The following ITGAM variants were observed in gnomAD, a reference collection of about 807,000 sequenced individuals.
ITGAM encodes the protein integrin subunit alpha M.
In ITGAM, 79 loss-of-function variants were observed where a neutral mutation model predicts 137.5. That is an observed-to-expected ratio of 0.57 (90% CI 0.48 to 0.69). ITGAM has a LOEUF of 0.69. Among genes scored for constraint, ITGAM ranks in the 30% least tolerant of loss-of-function variants. The probability of loss-of-function intolerance (pLI) is 0.00; values close to 1 mark genes in which losing one functional copy is unlikely to be tolerated. For missense variants in ITGAM, 1,343 were observed against 1,483.5 expected (o/e 0.91, Z 1.56); for synonymous variants, 583 against 592.3 (o/e 0.98, Z 0.23).
chr16:31,311,430 A>T (rs1332693992), intron 14 of ITGAM, among the ~76,000 whole-genome samples: 3 of 152,310 alleles, frequency 2.0e-5, no homozygotes, highest in East Asian at 3.9e-4. Flanking sequence ...ACTCAAACAA[A>T]TTTACAAGAA....
In ITGAM at chr16:31,310,993, A is replaced by G. The variant is rs191833126; in HGVS notation, c.1708-10248A>G. ...GAAATAGTGCCGCATATCTACAACT[A>G]TCTGATCTTTGACAAACCTGACAAA... On this transcript the variant is annotated intron_variant, in intron 14 of 29. Coordinates refer to ENST00000544665, the MANE Select transcript of ITGAM (RefSeq NM_000632.4). Among the ~76,000 whole-genome samples the G allele has an allele frequency of 2.3e-3, 355 of 152,300 alleles. 4 individuals carry two copies. The highest frequency in any genetic ancestry group is 8.1e-3 in the African/African-American group (337 of 41,566).
At chr16:31,260,545 A>T (rs921464801) in intron 1 of ITGAM, among the ~76,000 whole-genome samples, 1 of 152,244 alleles carries the variant, frequency 6.6e-6, no homozygotes, top group Non-Finnish European at 1.5e-5. Flanking sequence ...TTTTATGCTT[A>T]TATGTTGTGG....
At chr16:31,286,358 G>T (rs1285421802) in intron 12 of ITGAM, among the ~76,000 whole-genome samples, 1 of 152,048 alleles carries the variant, frequency 6.6e-6, no homozygotes, top group Non-Finnish European at 1.5e-5. Flanking sequence ...TTGGATATAT[G>T]GCCAGTAATG....
At chr16:31,271,605 G>A (rs1266566768) in intron 6 of ITGAM, among the ~76,000 whole-genome samples, 12 of 152,142 alleles carry the variant, frequency 7.9e-5, no homozygotes, top group African/African-American at 2.7e-4. Flanking sequence ...CACCCGCCTC[G>A]GCTTCCCAAA....
At chr16:31,260,255 C>A (rs940628563) in intron 1 of ITGAM, among the ~76,000 whole-genome samples, 163 bp downstream of exon 1, 9 of 152,072 alleles carry the variant, frequency 5.9e-5, no homozygotes, top group African/African-American at 2.2e-4. Flanking sequence ...ACAGCTAGAC[C>A]CAGACAGGCT....
intron 14 of ITGAM, among the ~76,000 whole-genome samples, chr16:31,311,286 G>T (rs1220968487): frequency 6.6e-6 from 1 of 152,190 alleles, no homozygotes; most frequent in Non-Finnish European, 1.5e-5. Flanking sequence ...TGACAAATGG[G>T]ATCTAATTAA....
intron 12 of ITGAM, among the ~76,000 whole-genome samples, chr16:31,289,654 T>C (rs1011923285): frequency 2.0e-5 from 3 of 152,070 alleles, no homozygotes; most frequent in Non-Finnish European, 4.4e-5. Flanking sequence ...ATACCTAATG[T>C]AAATGACAAG....
intron 14 of ITGAM, among the ~76,000 whole-genome samples, chr16:31,310,568 G>A (rs539565761): frequency 2.3e-3 from 341 of 150,486 alleles, no homozygotes; most frequent in Non-Finnish European, 3.2e-3. Context: ...GGACTTCTCC[G>A]CATTGATTAT....
chr16:31,326,035 T>A (rs1337990195), intron 21 of ITGAM, among the ~76,000 whole-genome samples: 1 of 152,042 alleles, frequency 6.6e-6, no homozygotes, highest in Non-Finnish European at 1.5e-5. Context: ...CACTGCACTC[T>A]AGCCTAGGCG....
chr16:31,272,995 T>G (rs1303721148), intron 7 of ITGAM, among the ~76,000 whole-genome samples: 1 of 151,860 alleles, frequency 6.6e-6, no homozygotes, highest in Non-Finnish European at 1.5e-5. Context: ...GACATTTCCT[T>G]TCTGACGTTA....
At chr16:31,265,311 G>A (rs1179835256) in intron 2 of ITGAM, 84 bp from the exon 3 acceptor site, 13 of 625,966 alleles carry the variant, frequency 2.1e-5, no homozygotes, top group African/African-American at 3.9e-5. Context: ...GGCCCCCACC[G>A]TCCTCTGGGT....
At chr16:31,328,534 GGT>G (rs888811720) in intron 23 of ITGAM, among the ~76,000 whole-genome samples, 11 of 150,836 alleles carry the variant, frequency 7.3e-5, no homozygotes, top group Admixed American at 1.3e-4. Context: ...TGCGTGCATG[GGT>G]GTGTATTTGT....
chr16:31,327,518 T>A (rs2080520273), intron 22 of ITGAM, among the ~76,000 whole-genome samples: 1 of 151,718 alleles, frequency 6.6e-6, no homozygotes, highest in Non-Finnish European at 1.5e-5. Context: ...TGCTTGAGCC[T>A]GGAAGATTGA....
chr16:31,311,457 A>G (rs1333194536), intron 14 of ITGAM, among the ~76,000 whole-genome samples: 2 of 152,240 alleles, frequency 1.3e-5, no homozygotes, highest in African/African-American at 4.8e-5. Flanking sequence ...AAACAACCCC[A>G]TCAAAAAGTG....
intron 14 of ITGAM, among the ~76,000 whole-genome samples, chr16:31,309,642 G>T (rs550844275): frequency 6.6e-6 from 1 of 152,158 alleles, no homozygotes; most frequent in Non-Finnish European, 1.5e-5. Context: ...GGAACATTAA[G>T]CCCATTTACA....
chr16:31,331,430 G>A, intron 29 of ITGAM, 155 bp downstream of exon 29: 1 of 672,818 alleles, frequency 1.5e-6, no homozygotes, highest in Non-Finnish European at 2.6e-6. Flanking sequence ...GGGTGGCCGG[G>A]TTCATGCGCG....
At chr16:31,326,743 T>G (rs1290957030) in intron 21 of ITGAM, 113 bp from the exon 22 acceptor site, 1 of 768,246 alleles carries the variant, frequency 1.3e-6, no homozygotes, top group Non-Finnish European at 2.2e-6. Context: ...TGGTGAACAA[T>G]ATCCTGTTGC....
At chr16:31,266,531 G>A (rs568282528) in intron 5 of ITGAM, among the ~76,000 whole-genome samples, 29 of 151,394 alleles carry the variant, frequency 1.9e-4, no homozygotes, top group African/African-American at 6.8e-4. Context: ...GGCAAGCCTG[G>A]GCAACATAGG....
chr16:31,331,425 G>T, intron 29 of ITGAM, 150 bp downstream of exon 29: 2 of 674,288 alleles, frequency 3.0e-6, no homozygotes, highest in Non-Finnish European at 5.2e-6. Context: ...AGGGAGGGTG[G>T]CCGGGTTCAT....
Sources: allele counts gnomAD v4.1 joint callset (sites outside exome capture counted in the v4.1 genomes callset), GRCh38; gene constraint gnomAD v4.1.1; transcripts MANE v1.5; gene names NCBI Gene and HGNC (gene_info 2026-07-23, HGNC 2026-07-21).